The following FNDC3B variants were observed in gnomAD, a reference collection of about 807,000 sequenced individuals.
The protein encoded by FNDC3B is fibronectin type III domain-containing protein 3B.
In FNDC3B, 12 loss-of-function variants were observed where a neutral mutation model predicts 151.5. That is an observed-to-expected ratio of 0.08 (90% CI 0.05 to 0.13). FNDC3B has a LOEUF of 0.13. Among genes scored for constraint, FNDC3B ranks in the 10% least tolerant of loss-of-function variants. The pLI is 1.00. For missense variants in FNDC3B, 1,214 were observed against 1,505.3 expected (o/e 0.81, Z 3.20); for synonymous variants, 528 against 549.0 (o/e 0.96, Z 0.54).
At chr3:172,307,583 C>G in intron 10 of FNDC3B, 82 bp downstream of exon 10, 15 of 1,406,388 alleles carry the variant, frequency 1.1e-5, no homozygotes, top group Non-Finnish European at 1.4e-5. Flanking sequence ...GTCCCAGCTA[C>G]CTGGGAGGCT....
chr3:172,291,052 AG>A, intron 7 of FNDC3B, among the ~76,000 whole-genome samples: 1 of 152,368 alleles, frequency 6.6e-6, no homozygotes. Flanking sequence ...TTCTGATCCA[AG>A]TACTATCATT....
At chr3:172,140,387 T>C (rs1310667333) in intron 3 of FNDC3B, among the ~76,000 whole-genome samples, 2 of 152,240 alleles carry the variant, frequency 1.3e-5, no homozygotes, top group Non-Finnish European at 2.9e-5. Flanking sequence ...TGGAGAAAGA[T>C]TGAAGAAAAA....
In FNDC3B at chr3:172,189,877, G is replaced by C. The variant is rs548406181; in HGVS notation, c.188-36994G>C. ...TTTTATTATTTTTTCAGACTGAGGA[G>C]ATAGGGAACCAGTTTAATTGTGATC... On this transcript the variant is annotated intron_variant, in intron 3 of 25. Coordinates refer to ENST00000415807, the MANE Select transcript of FNDC3B (RefSeq NM_022763.4). Among the ~76,000 whole-genome samples, 9 of 149,598 alleles carry C rather than the reference G, an allele frequency of 6.0e-5. No individual in the cohort carries two copies. In the South Asian group the frequency reaches 1.3e-3, roughly 21 times the overall value.
In FNDC3B at chr3:172,251,403, T is replaced by C; in HGVS notation, c.652T>C (p.Cys218Arg). 6.2e-7 allele frequency: 1 copy of C among 1,614,020 alleles called. No individual in the cohort carries two copies. Among genetic ancestry groups the C allele is most frequent in the Non-Finnish European group, 8.5e-7 (1 of 1,180,006 alleles). Residue 218 changes from cysteine to arginine, a missense_variant, in exon 6 of 26, where the codon TGC (cysteine) becomes CGC (arginine). By Grantham distance (180) the Cys-to-Arg change is radical (BLOSUM62 -3). Around this residue, in one of 7 missense-constraint regions of FNDC3B, gnomAD observed 166 missense variants for 173.2 expected, o/e 0.96. Transcript: ENST00000415807. ...SPPSSIYKSS[C>R]TTVYNGYGKG... is the part of the protein sequence containing the mutation. ...TCCTTCTTCTATCTACAAAAGCAGC[T>C]GCACAACAGTATACAATGGCTATGG...
intron 22 of FNDC3B, among the ~76,000 whole-genome samples, chr3:172,354,650 T>A (rs1224423367): frequency 6.6e-6 from 1 of 151,976 alleles, no homozygotes; most frequent in African/African-American, 2.4e-5. Context: ...TTCAAAAACA[T>A]AATTGCAGTA....
rs374648271 is a variant in FNDC3B at position 172,195,671 on chromosome 3, A to G, written c.188-31200A>G. ...TTCTTGACTATTGTTTAGAGGTACA[A>G]TGCAGAAGGGGTCATTCCCATTTGA... On this transcript the variant is annotated intron_variant, in intron 3 of 25. Transcript: ENST00000415807. Among the ~76,000 whole-genome samples, 9 of 152,342 alleles carry G rather than the reference A, an allele frequency of 5.9e-5. No individual in the cohort carries two copies. In the South Asian group the frequency reaches 1.7e-3, roughly 28 times the overall value.
intron 11 of FNDC3B, among the ~76,000 whole-genome samples, chr3:172,316,764 A>AT (rs1400477960): frequency 6.6e-6 from 1 of 152,222 alleles, no homozygotes; most frequent in Non-Finnish European, 1.5e-5. Flanking sequence ...TATATCAATG[A>AT]TATGATGTTT....
intron 1 of FNDC3B, chr3:172,047,056 T>C (rs1187088911): frequency 1.4e-4 from 21 of 152,234 alleles, no homozygotes; most frequent in Admixed American, 1.4e-3. Context: ...AATGTAAGGA[T>C]ACATCTTTGT....
intron 3 of FNDC3B, among the ~76,000 whole-genome samples, chr3:172,216,861 A>G (rs576396718): frequency 1.5e-4 from 23 of 152,182 alleles, no homozygotes; most frequent in Middle Eastern, 3.4e-3. Context: ...TGTTTTTCCA[A>G]AGATAATTTC....
chr3:172,384,134 A>T (rs188755278), intron 25 of FNDC3B, among the ~76,000 whole-genome samples: 30 of 152,328 alleles, frequency 2.0e-4, no homozygotes, highest in Admixed American at 7.2e-4. Context: ...AAATGTTTTT[A>T]AAAAAAGGTA....
chr3:172,253,213 A>G (rs1050593434), intron 6 of FNDC3B, among the ~76,000 whole-genome samples: 6 of 152,264 alleles, frequency 3.9e-5, no homozygotes, highest in Non-Finnish European at 5.9e-5. Flanking sequence ...AGCAGATAAA[A>G]TAAATGTAAG....
intron 3 of FNDC3B, among the ~76,000 whole-genome samples, chr3:172,174,904 C>T (rs994481122): frequency 4.6e-5 from 6 of 131,308 alleles, no homozygotes; most frequent in Admixed American, 1.7e-4. Context: ...TGCTGATTCT[C>T]TGTGGACTTT....
At chr3:172,167,265 G>A (rs192883931) in intron 3 of FNDC3B, among the ~76,000 whole-genome samples, 36 of 152,218 alleles carry the variant, frequency 2.4e-4, no homozygotes, top group Admixed American at 1.4e-3. Flanking sequence ...GTATGTTGGT[G>A]CACACCTGTA....
At chr3:172,079,216 A>T (rs1359358888) in intron 1 of FNDC3B, among the ~76,000 whole-genome samples, 1 of 152,172 alleles carries the variant, frequency 6.6e-6, no homozygotes, top group East Asian at 1.9e-4. Context: ...ATGCTGTTAA[A>T]CTGTAGCATG....
At chr3:172,248,044 C>T (rs984236150) in intron 5 of FNDC3B, among the ~76,000 whole-genome samples, 2 of 152,144 alleles carry the variant, frequency 1.3e-5, no homozygotes, top group Admixed American at 6.5e-5. Flanking sequence ...AGGTAGCCAC[C>T]TTTTATTTTA....
chr3:172,116,442 C>T (rs193150203), intron 2 of FNDC3B, among the ~76,000 whole-genome samples: 397 of 152,304 alleles, frequency 2.6e-3, no homozygotes, highest in African/African-American at 8.8e-3. Flanking sequence ...CCCTTCCCCC[C>T]GTCCTAGGTA....
At chr3:172,042,896 G>T (rs982583576) in intron 1 of FNDC3B, among the ~76,000 whole-genome samples, 1 of 150,842 alleles carries the variant, frequency 6.6e-6, no homozygotes, top group Non-Finnish European at 1.5e-5. Flanking sequence ...GTGCAGTGGC[G>T]CAATCTCGGC....
intron 10 of FNDC3B, among the ~76,000 whole-genome samples, chr3:172,308,589 C>T (rs779915088): frequency 2.8e-4 from 42 of 152,174 alleles, no homozygotes; most frequent in Non-Finnish European, 5.0e-4. Flanking sequence ...TGGTTAGCAG[C>T]AAAGCATGGG....
rs941119541 is a variant in FNDC3B at position 172,040,229 on chromosome 3, C to T, written c.-29+458C>T. On this transcript the variant is annotated intron_variant, in intron 1 of 25. Coordinates refer to ENST00000415807, the MANE Select transcript of FNDC3B (RefSeq NM_022763.4). The surrounding 1 kb of genome is among the most constrained non-coding windows in gnomAD (Gnocchi z 6.6). ...GGCGGCGAGGCCGAGGAATCTTCGA[C>T]GTGTCACTTTCTGAGGCTGTAGATT... is the stretch of plus-strand genomic sequence containing the variant. Among the ~76,000 whole-genome samples the T allele has an allele frequency of 6.6e-6, 1 of 152,196 alleles. No individual in the cohort carries two copies. The highest frequency in any genetic ancestry group is 1.5e-5 in the Non-Finnish European group (1 of 68,006).
Sources: gnomAD v4.1 joint callset for allele counts (sites outside exome capture counted in the v4.1 genomes callset) on GRCh38, gnomAD v4.1.1 for gene constraint, gnomAD v4.1.1 regional missense constraint, Gnocchi (gnomAD v3.1) non-coding constraint, MANE v1.5 for transcripts, NCBI Gene and HGNC (gene_info 2026-07-23, HGNC 2026-07-21) for gene names.